Variants in SOX6 observed in about 807,000 individuals in gnomAD.
The protein encoded by SOX6 is SRY-box transcription factor 6, also known as transcription factor SOX-6.
In SOX6, 11 loss-of-function variants were observed where a neutral mutation model predicts 97.8. That is an observed-to-expected ratio of 0.11 (90% CI 0.07 to 0.19). The LOEUF (loss-of-function observed/expected upper bound fraction) is 0.19, where lower values mean the gene tolerates loss of function less well. SOX6 is among the 10% of genes least tolerant of loss of function. SOX6 has a pLI of 1.00. For missense variants in SOX6, 810 were observed against 1,039.5 expected (o/e 0.78, Z 3.04); for synonymous variants, 360 against 371.4 (o/e 0.97, Z 0.35).
chr11:16,555,855 A>G lies in SOX6; in HGVS notation n.609+56226T>C, dbSNP rs1376050143. 2.0e-5 allele frequency among the ~76,000 whole-genome samples: 3 copies of G among 151,800 alleles called. No individual in the cohort carries two copies. The East Asian group carries it at 5.8e-4, about 29-fold the overall frequency. Reference sequence around the variant, plus strand: ...TATTTACCAATAATCCAATAATCCAATAATATATTTTGTTAAGTCTATATC... The same window carrying G: ...TATTTACCAATAATCCAATAATCCAGTAATATATTTTGTTAAGTCTATATC... On this transcript the variant is annotated intron_variant and non_coding_transcript_variant, in intron 4 of 5. Transcript: ENST00000524520.
chr11:16,273,057 T>C (rs1392779608), intron 3 of SOX6, among the ~76,000 whole-genome samples: 1 of 151,912 alleles, frequency 6.6e-6, no homozygotes, highest in Non-Finnish European at 1.5e-5. Flanking sequence ...AGATTTCTGA[T>C]TATGAAGGCA....
intron 4 of SOX6, among the ~76,000 whole-genome samples, chr11:16,511,551 T>G (rs1200715828): frequency 6.6e-6 from 1 of 152,134 alleles, no homozygotes; most frequent in Non-Finnish European, 1.5e-5. Context: ...GTACCTGAAT[T>G]CTACAAATAG....
At chr11:16,581,288 G>A (rs1848030086) in intron 4 of SOX6, among the ~76,000 whole-genome samples, 1 of 152,160 alleles carries the variant, frequency 6.6e-6, no homozygotes, top group African/African-American at 2.4e-5. Context: ...GAGAGATCAT[G>A]TCCTCTGCAG....
intron 4 of SOX6, among the ~76,000 whole-genome samples, chr11:16,487,512 T>C (rs946754567): frequency 6.6e-6 from 1 of 152,200 alleles, no homozygotes; most frequent in Non-Finnish European, 1.5e-5. Context: ...AGGATTCCTA[T>C]CCTTGCTGAG....
chr11:16,368,690 T>A (rs1857424431), intron 1 of SOX6, among the ~76,000 whole-genome samples: 1 of 152,112 alleles, frequency 6.6e-6, no homozygotes, highest in African/African-American at 2.4e-5. Context: ...CATTGAAGAT[T>A]TCTTAAATAT....
chr11:16,548,296 A>G (rs1159924651), intron 4 of SOX6, among the ~76,000 whole-genome samples: 1 of 152,202 alleles, frequency 6.6e-6, no homozygotes, highest in East Asian at 1.9e-4. Context: ...TGGAAAAAAA[A>G]TACAGAATGG....
chr11:16,612,379 CT>C (rs1451142442), intron 3 of SOX6: 1 of 152,338 alleles, frequency 6.6e-6, no homozygotes, highest in Non-Finnish European at 1.5e-5. Flanking sequence ...ATCTATTACA[CT>C]TAAAGAAACG....
At chr11:16,357,443 C>T (rs965561920), upstream of SOX6, among the ~76,000 whole-genome samples, 10 of 152,088 alleles carry the variant, frequency 6.6e-5, no homozygotes, top group South Asian at 2.1e-4. Flanking sequence ...GCTATGCGTA[C>T]GGTCGGCAAT....
intron 2 of SOX6, among the ~76,000 whole-genome samples, chr11:16,329,860 T>C (rs1856230321): frequency 6.6e-6 from 1 of 152,214 alleles, no homozygotes; most frequent in South Asian, 2.1e-4. Context: ...TCCAAAATTC[T>C]TCTTTACAGA....
chr11:16,690,164 A>AT (rs1310355323), intron 3 of SOX6, among the ~76,000 whole-genome samples: 1 of 152,188 alleles, frequency 6.6e-6, no homozygotes, highest in African/African-American at 2.4e-5. Flanking sequence ...GCCTCAAGTG[A>AT]TCTGCCCACC....
At chr11:16,644,061 C>G (rs1211438981) in intron 3 of SOX6, among the ~76,000 whole-genome samples, 1 of 150,028 alleles carries the variant, frequency 6.7e-6, no homozygotes, top group African/African-American at 2.5e-5. Flanking sequence ...CCACCACTGA[C>G]ATAGGGTCTC....
In SOX6 at chr11:16,076,735, A is replaced by ATTTTTTT. The variant is rs1156737950; in HGVS notation, c.1101+19254_1101+19260dup. Among the ~76,000 whole-genome samples, 21 of 94,152 alleles carry ATTTTTTT rather than the reference A, an allele frequency of 2.2e-4. No homozygotes were observed. In the East Asian group the frequency reaches 3.0e-3, roughly 14 times the overall value. The allele number at this position is 94,152 out of a possible 152,430, so 61.8% of individuals were successfully genotyped here. A position where few individuals can be genotyped will look rare whatever the true frequency, so the allele number is the denominator to read the frequency against. ...GAGAGAGAAGGGGGAGGTACTACAC[A>ATTTTTTT]TTTTTTTTTTTTTTTTTTTTTTTTT... is the stretch of plus-strand genomic sequence containing the variant. On this transcript the variant is annotated intron_variant, in intron 9 of 15. Coordinates refer to ENST00000683767, the MANE Select transcript of SOX6 (RefSeq NM_001367873.1).
Position 16,521,202 on chromosome 11 carries a change from C to T in SOX6, n.610-44814G>A, listed in dbSNP as rs566962238. Among the ~76,000 whole-genome samples, 11 of 152,298 alleles carry T rather than the reference C, an allele frequency of 7.2e-5. No individual in the cohort carries two copies. In the East Asian group the frequency reaches 1.2e-3, roughly 16 times the overall value. On this transcript the variant is annotated intron_variant and non_coding_transcript_variant, in intron 4 of 5. Transcript: ENST00000524520. ...CTCAAGTGGGTCCCTGACCCCTGAA[C>T]CCCGAGCAGCCTAACTGGGAGGCAC...
intron 4 of SOX6, among the ~76,000 whole-genome samples, chr11:16,510,781 A>G (rs1860869781): frequency 6.6e-6 from 1 of 152,110 alleles, no homozygotes; most frequent in African/African-American, 2.4e-5. Flanking sequence ...GATTGGTACC[A>G]TCATTGCTTT....
At chr11:16,244,696 C>T (rs1853285369) in intron 3 of SOX6, among the ~76,000 whole-genome samples, 1 of 151,514 alleles carries the variant, frequency 6.6e-6, no homozygotes, top group African/African-American at 2.4e-5. Context: ...TTATCTTTTT[C>T]CCAATGAGTT....
At chr11:16,684,931 G>A (rs1371100823) in intron 3 of SOX6, among the ~76,000 whole-genome samples, 1 of 151,952 alleles carries the variant, frequency 6.6e-6, no homozygotes, top group Non-Finnish European at 1.5e-5. Context: ...CAGGTGAAGC[G>A]GTACCAGACG....
intron 3 of SOX6, among the ~76,000 whole-genome samples, chr11:16,278,654 G>T (rs1854469608): frequency 6.6e-6 from 1 of 151,524 alleles, no homozygotes; most frequent in African/African-American, 2.4e-5. Flanking sequence ...AAAAAAGAAA[G>T]AAATTAGATA....
At chr11:16,383,888 A>T (rs1857899370) in intron 1 of SOX6, among the ~76,000 whole-genome samples, 1 of 151,912 alleles carries the variant, frequency 6.6e-6, no homozygotes, top group Non-Finnish European at 1.5e-5. Flanking sequence ...TGACAACTTC[A>T]AGTCTGAAAA....
In SOX6 at chr11:16,374,746, G is replaced by A. The variant is rs117177549; in HGVS notation, c.-4-33494C>T. 2.5e-3 allele frequency among the ~76,000 whole-genome samples: 385 copies of A among 152,058 alleles called. 7 individuals carry two copies. In the East Asian group the frequency reaches 0.037, roughly 15 times the overall value. On this transcript the variant is annotated intron_variant, in intron 1 of 15. Transcript: ENST00000396356. ...GATAAATTTATCCACTCTATTCTTA[G>A]GCAATGTTCTATACTCCATAAAATC...
Sources: allele counts gnomAD v4.1 joint callset (sites outside exome capture counted in the v4.1 genomes callset), GRCh38; gene constraint gnomAD v4.1.1; transcripts MANE v1.5; gene names NCBI Gene and HGNC (gene_info 2026-07-23, HGNC 2026-07-21).